HS3ST4: variants seen among roughly 807,000 people sequenced by gnomAD.
The protein encoded by HS3ST4 is heparan sulfate glucosamine 3-O-sulfotransferase 4.
In HS3ST4, 17 loss-of-function variants were observed where a neutral mutation model predicts 29.2. The observed-to-expected ratio is 0.58, with a 90% CI of 0.40 to 0.87. The LOEUF (loss-of-function observed/expected upper bound fraction) is 0.87, where lower values mean the gene tolerates loss of function less well. Ranked by LOEUF, HS3ST4 falls within the 40% of genes least tolerant of loss-of-function variation. HS3ST4 has a pLI of 0.00. For missense variants in HS3ST4, 627 were observed against 634.5 expected (o/e 0.99, Z 0.13); for synonymous variants, 314 against 285.7 (o/e 1.10, Z -1.00).
intron 1 of HS3ST4, among the ~76,000 whole-genome samples, chr16:26,108,824 A>T (rs531640423): frequency 6.6e-6 from 1 of 152,174 alleles, no homozygotes; most frequent in Non-Finnish European, 1.5e-5. Flanking sequence ...ATCTTACCGG[A>T]CTTAGCAGAG....
At chr16:26,078,124 T>C (rs910146086) in intron 1 of HS3ST4, among the ~76,000 whole-genome samples, 1 of 152,132 alleles carries the variant, frequency 6.6e-6, no homozygotes, top group African/African-American at 2.4e-5. Context: ...ATGTGAAAGC[T>C]GTTTGTGCTT....
intron 1 of HS3ST4, among the ~76,000 whole-genome samples, chr16:25,942,010 C>T (rs1034405245): frequency 1.3e-5 from 2 of 152,116 alleles, no homozygotes; most frequent in African/African-American, 4.8e-5. Flanking sequence ...AATGACTCAA[C>T]AAAGGAACAA....
intron 1 of HS3ST4, among the ~76,000 whole-genome samples, chr16:25,840,634 G>C (rs1379029553): frequency 6.6e-6 from 1 of 152,112 alleles, no homozygotes; most frequent in Non-Finnish European, 1.5e-5. Context: ...ATTTTACAAT[G>C]GATCATTAAT....
intron 1 of HS3ST4, among the ~76,000 whole-genome samples, chr16:26,020,071 C>T (rs1382533424): frequency 6.6e-6 from 1 of 152,176 alleles, no homozygotes. Context: ...CTACCAAATA[C>T]ACTCGGATCC....
chr16:26,005,675 C>T (rs976124296), intron 1 of HS3ST4, among the ~76,000 whole-genome samples: 2 of 151,764 alleles, frequency 1.3e-5, no homozygotes, highest in Admixed American at 1.3e-4. Flanking sequence ...ATCATGGTGT[C>T]CCTGGCAGAG....
chr16:25,778,438 T>C (rs1475309246), intron 1 of HS3ST4, among the ~76,000 whole-genome samples: 1 of 152,256 alleles, frequency 6.6e-6, no homozygotes, highest in African/African-American at 2.4e-5. Context: ...TTGGCTTCTC[T>C]TACAGCTCAA....
chr16:25,795,236 G>T (rs1400899502), intron 1 of HS3ST4, among the ~76,000 whole-genome samples: 1 of 152,044 alleles, frequency 6.6e-6, no homozygotes, highest in Non-Finnish European at 1.5e-5. Flanking sequence ...CTCCCAAAGT[G>T]CTGGGATTAC....
intron 1 of HS3ST4, among the ~76,000 whole-genome samples, chr16:25,926,962 A>G (rs1968409823): frequency 6.6e-6 from 1 of 152,084 alleles, no homozygotes; most frequent in Non-Finnish European, 1.5e-5. Flanking sequence ...AGAATACTTT[A>G]AGGTCAGGAG....
At chr16:25,786,928 T>G (rs769149662) in intron 1 of HS3ST4, among the ~76,000 whole-genome samples, 2 of 152,220 alleles carry the variant, frequency 1.3e-5, no homozygotes, top group Non-Finnish European at 2.9e-5. Flanking sequence ...GAACAGCAGA[T>G]TCTCATGGGA....
chr16:26,015,122 C>T (rs1969351165), intron 1 of HS3ST4, among the ~76,000 whole-genome samples: 1 of 152,146 alleles, frequency 6.6e-6, no homozygotes, highest in Non-Finnish European at 1.5e-5. Context: ...TTTAGGCTGC[C>T]AAGTCGACCT....
intron 1 of HS3ST4, among the ~76,000 whole-genome samples, chr16:25,737,848 T>C (rs1284324757): frequency 6.6e-6 from 1 of 151,960 alleles, no homozygotes; most frequent in African/African-American, 2.4e-5. Flanking sequence ...CAAAACTTCA[T>C]GTAATTGTGT....
chr16:25,942,847 C>T (rs920277225), intron 1 of HS3ST4, among the ~76,000 whole-genome samples: 2 of 152,120 alleles, frequency 1.3e-5, no homozygotes, highest in African/African-American at 2.4e-5. Context: ...GTCTTGAACT[C>T]TTGGCCTCAA....
intron 1 of HS3ST4, among the ~76,000 whole-genome samples, chr16:26,058,589 G>A (rs1898439445): frequency 6.6e-6 from 1 of 152,134 alleles, no homozygotes; most frequent in African/African-American, 2.4e-5. Flanking sequence ...ATTCTTTCCT[G>A]TCCATCATGT....
intron 1 of HS3ST4, among the ~76,000 whole-genome samples, chr16:25,946,800 A>AG (rs1968630125): frequency 6.6e-6 from 1 of 152,122 alleles, no homozygotes; most frequent in Admixed American, 6.5e-5. Flanking sequence ...TGCAAGTGAG[A>AG]GGTAAGTAGG....
chr16:26,053,188 C>T (rs948840107), intron 1 of HS3ST4, among the ~76,000 whole-genome samples: 2 of 152,304 alleles, frequency 1.3e-5, no homozygotes, highest in South Asian at 2.1e-4. Flanking sequence ...ATAAGACGCT[C>T]CCCTCAACAA....
chr16:25,769,583 GC>G (rs1437030168), intron 1 of HS3ST4, among the ~76,000 whole-genome samples: 1 of 152,152 alleles, frequency 6.6e-6, no homozygotes, highest in African/African-American at 2.4e-5. Flanking sequence ...ACCAGGCAGG[GC>G]TTTATCCCTC....
At chr16:25,978,661 A>G (rs1032167581) in intron 1 of HS3ST4, among the ~76,000 whole-genome samples, 5 of 152,232 alleles carry the variant, frequency 3.3e-5, no homozygotes, top group African/African-American at 1.2e-4. Context: ...AATCAGCATA[A>G]AAGTTACTGT....
chr16:26,061,529 C>T (rs964694086), intron 1 of HS3ST4, among the ~76,000 whole-genome samples: 3 of 152,158 alleles, frequency 2.0e-5, no homozygotes, highest in African/African-American at 7.2e-5. Context: ...AGAATCCTGG[C>T]CAGAAGCTGT....
rs1175341230 is a variant in HS3ST4 at position 26,135,952 on chromosome 16, C to A, written c.1075C>A (p.Arg359=). 6.2e-7 allele frequency: 1 copy of A among 1,613,976 alleles called. No individual in the cohort carries two copies. The highest frequency in any genetic ancestry group is 1.7e-5 in the Admixed American group (1 of 60,022). ...CCAGATCCTCTTTGTCAGTGGTGAG[C>A]GACTCATTGTGGACCCCGCCGGGGA... is the stretch of plus-strand genomic sequence containing the variant. ...LSQILFVSGE[R]LIVDPAGEMA... Residue 359 remains arginine, a synonymous_variant, in exon 2 of 2, where the codon CGA becomes AGA. Coordinates refer to ENST00000331351, the MANE Select transcript of HS3ST4 (RefSeq NM_006040.3).
Sources: gnomAD v4.1 joint callset for allele counts (sites outside exome capture counted in the v4.1 genomes callset) on GRCh38, gnomAD v4.1.1 for gene constraint, MANE v1.5 for transcripts, NCBI Gene and HGNC (gene_info 2026-07-23, HGNC 2026-07-21) for gene names.